The following LMF1 variants were observed in gnomAD, a reference collection of about 807,000 sequenced individuals.
LMF1 encodes lipase maturation factor 1, also known as transmembrane protein 112.
LMF1 carries 68 observed loss-of-function variants against 60.6 expected under a neutral mutation model. That is an observed-to-expected ratio of 1.12 (90% CI 0.92 to 1.37). The LOEUF (loss-of-function observed/expected upper bound fraction) is 1.37. LMF1 is among the 40% of genes most tolerant of loss of function. LMF1 has a pLI of 0.00. For missense variants in LMF1, 948 were observed against 767.2 expected, an observed-to-expected ratio of 1.24 and a Z score of -2.78; for synonymous variants, 418 against 324.7, an observed-to-expected ratio of 1.29 and a Z score of -3.09.
At chr16:922,593 G>A (rs969476980) in intron 3 of LMF1, among the ~76,000 whole-genome samples, 3 of 149,474 alleles carry the variant, frequency 2.0e-5, no homozygotes, top group East Asian at 3.9e-4. Flanking sequence ...AAGTCGCCTC[G>A]GTTTTCTGGT....
chr16:940,344 G>A (rs993533626), intron 2 of LMF1, among the ~76,000 whole-genome samples: 2 of 152,136 alleles, frequency 1.3e-5, no homozygotes, highest in African/African-American at 4.8e-5. Context: ...CATGGGAACT[G>A]GTTTGGACAT....
At chr16:934,522 C>T (rs1010223634) in intron 2 of LMF1, 7 of 482,926 alleles carry the variant, frequency 1.4e-5, no homozygotes, top group African/African-American at 3.9e-5. Flanking sequence ...ATGTATTTTG[C>T]GAATGAGTGA....
intron 2 of LMF1, among the ~76,000 whole-genome samples, chr16:940,236 C>A (rs945076031): frequency 6.6e-6 from 1 of 152,164 alleles, no homozygotes; most frequent in Non-Finnish European, 1.5e-5. Context: ...GGACTTCTGG[C>A]CTCAAGAACT....
At chr16:894,479 C>G (rs2070605854) in intron 4 of LMF1, among the ~76,000 whole-genome samples, 1 of 151,902 alleles carries the variant, frequency 6.6e-6, no homozygotes. Context: ...CGACTTCTAC[C>G]TGGCACATAA....
chr16:862,102 C>T (rs1429896014), intron 10 of LMF1, among the ~76,000 whole-genome samples: 1 of 152,142 alleles, frequency 6.6e-6, no homozygotes, highest in African/African-American at 2.4e-5. Context: ...CGGAACCAAC[C>T]TTCATCCCTG....
At chr16:867,354 T>A (rs1210738216) in intron 10 of LMF1, among the ~76,000 whole-genome samples, 1 of 152,214 alleles carries the variant, frequency 6.6e-6, no homozygotes. Flanking sequence ...GACTGTGTGC[T>A]TGGCCAGAAG....
Position 871,446 on chromosome 16 carries a change from C to T in LMF1, c.898-105G>A, listed in dbSNP as rs995291684. The T allele has an allele frequency of 1.7e-5, 19 of 1,137,344 alleles. No homozygotes were observed. In the East Asian group the frequency reaches 2.0e-4, roughly 12 times the overall value. 70.5% of individuals were successfully genotyped at this position (1,137,344 alleles called of 1,614,324 possible). Reference sequence around the variant, plus strand: ...AGGGAGGGGGGAGGGAACCTGCACCCAGCTCTGCCCTTGCTGTCCCTCGGG... The same window carrying T: ...AGGGAGGGGGGAGGGAACCTGCACCTAGCTCTGCCCTTGCTGTCCCTCGGG... On this transcript the variant is annotated intron_variant, in intron 6 of 10. Transcript: ENST00000262301.
intron 2 of LMF1, among the ~76,000 whole-genome samples, chr16:946,871 G>C (rs1045158125): frequency 6.6e-6 from 1 of 152,236 alleles, no homozygotes; most frequent in Non-Finnish European, 1.5e-5. Flanking sequence ...TCTGCCAGCT[G>C]TGTAAATGAC....
At chr16:905,689 A>G (rs1220287611) in intron 4 of LMF1, among the ~76,000 whole-genome samples, 2 of 151,520 alleles carry the variant, frequency 1.3e-5, no homozygotes, top group African/African-American at 2.4e-5. Context: ...GGCATTGTGA[A>G]TATTTTCTCC....
At chr16:907,761 C>T (rs1334499453) in intron 4 of LMF1, among the ~76,000 whole-genome samples, 1 of 152,168 alleles carries the variant, frequency 6.6e-6, no homozygotes, top group Non-Finnish European at 1.5e-5. Context: ...GCTGCTGTCA[C>T]TTTCTTATCA....
intron 2 of LMF1, among the ~76,000 whole-genome samples, chr16:935,224 T>C (rs8051971): frequency 0.13 from 19,958 of 151,956 alleles, 1,395 homozygotes; most frequent in African/African-American, 0.15. Flanking sequence ...CTCAGCCTCC[T>C]GAGTTGCTGG....
At chr16:921,034 T>G (rs959166037) in intron 3 of LMF1, 13 of 152,364 alleles carry the variant, frequency 8.5e-5, no homozygotes, top group African/African-American at 2.9e-4. Flanking sequence ...CTGGCCTCGG[T>G]CAGCAGGTCG....
intron 2 of LMF1, among the ~76,000 whole-genome samples, chr16:949,504 A>G (rs1174041919): frequency 8.5e-6 from 1 of 118,154 alleles, no homozygotes; most frequent in Non-Finnish European, 1.7e-5. Context: ...CGACAGAGTT[A>G]GAGACAATGA....
chr16:951,838 C>T (rs1034262187), intron 2 of LMF1, among the ~76,000 whole-genome samples: 43 of 152,348 alleles, frequency 2.8e-4, no homozygotes, highest in African/African-American at 9.6e-4. Context: ...CGTCCAGACA[C>T]TCAACAAGCA....
chr16:919,469 G>A (rs753841967), intron 3 of LMF1, among the ~76,000 whole-genome samples: 6 of 152,192 alleles, frequency 3.9e-5, no homozygotes, highest in African/African-American at 9.6e-5. Flanking sequence ...TATCTCCAGC[G>A]CTCGCGTGAG....
Position 853,743 on chromosome 16 carries a change from C to A in LMF1, c.*789G>T, listed in dbSNP as rs1046571467. On this transcript the variant is annotated 3_prime_UTR_variant, in exon 11 of 11. Transcript: ENST00000262301. ...TGTGCAGTAGACGCTGTTTGTCCGA[C>A]GATGATGAAAGTGTGCACGGCCGGC... 6.6e-6 allele frequency: 3 copies of A among 453,984 alleles called. No individual in the cohort carries two copies. The highest frequency in any genetic ancestry group is 4.0e-5 in the African/African-American group (2 of 49,996). 28.1% of individuals were successfully genotyped at this position (453,984 alleles called of 1,614,324 possible). A position where few individuals can be genotyped will look rare whatever the true frequency, so the allele number is the denominator to read the frequency against.
intron 2 of LMF1, among the ~76,000 whole-genome samples, chr16:941,520 G>A (rs1391313465): frequency 1.3e-5 from 2 of 152,206 alleles, no homozygotes; most frequent in Admixed American, 6.5e-5. Flanking sequence ...ACCATGCCTG[G>A]CCTGATTCTA....
intron 3 of LMF1, among the ~76,000 whole-genome samples, chr16:923,371 C>A (rs1487649085): frequency 6.6e-6 from 1 of 152,186 alleles, no homozygotes; most frequent in Non-Finnish European, 1.5e-5. Context: ...TTTCCTAACT[C>A]TGCCGGCTGA....
At chr16:898,830 A>G (rs1309986237) in intron 4 of LMF1, 1 of 152,260 alleles carries the variant, frequency 6.6e-6, no homozygotes, top group Non-Finnish European at 1.5e-5. Context: ...GAAATCAGAC[A>G]GAGCAGATTT....
Sources: gnomAD v4.1 joint callset for allele counts (sites outside exome capture counted in the v4.1 genomes callset) on GRCh38, gnomAD v4.1.1 for gene constraint, MANE v1.5 for transcripts, NCBI Gene and HGNC (gene_info 2026-07-23, HGNC 2026-07-21) for gene names.